The following CDK19 variants were observed in gnomAD, a reference collection of about 807,000 sequenced individuals.
CDK19 encodes the protein cyclin dependent kinase 19, also known as cyclin-dependent kinase 19.
Under a neutral mutation model 68.3 loss-of-function variants are expected in CDK19, and 20 were observed. The ratio of observed to expected loss-of-function variants is 0.29; its 90% CI spans 0.21 to 0.43. The LOEUF is 0.43. Among genes scored for constraint, CDK19 ranks in the 20% least tolerant of loss-of-function variants. The probability of loss-of-function intolerance (pLI) is 1.00; values close to 1 mark genes in which losing one functional copy is unlikely to be tolerated. For synonymous variants in CDK19, 221 were observed against 222.8 expected, an observed-to-expected ratio of 0.99 and a Z score of 0.07; for missense variants, 339 against 623.5, an observed-to-expected ratio of 0.54 and a Z score of 4.86.
At chr6:110,627,593 C>T (rs1779170912) in intron 6 of CDK19, among the ~76,000 whole-genome samples, 1 of 152,088 alleles carries the variant, frequency 6.6e-6, no homozygotes. Context: ...TCCCTGAAGC[C>T]TTGACCTCCT....
intron 2 of CDK19, among the ~76,000 whole-genome samples, chr6:110,684,333 AC>A (rs1562194690): frequency 6.6e-6 from 1 of 151,164 alleles, no homozygotes; most frequent in Non-Finnish European, 1.5e-5. Context: ...TTGCTATAAG[AC>A]CCTAGGCAGT....
chr6:110,759,428 A>ATACATATATATAT (rs1554219514), intron 1 of CDK19, among the ~76,000 whole-genome samples: 1 of 50,916 alleles, frequency 2.0e-5, no homozygotes. Context: ...AAAAAAAAAA[A>ATACATATATATAT]ATATATATAT....
chr6:110,749,192 A>G (rs550340969), intron 1 of CDK19, among the ~76,000 whole-genome samples: 4 of 152,250 alleles, frequency 2.6e-5, no homozygotes, highest in Non-Finnish European at 5.9e-5. Context: ...GATAAATGCT[A>G]TATAGAATTT....
At chr6:110,714,065 A>G (rs1775177180) in intron 2 of CDK19, among the ~76,000 whole-genome samples, 1 of 152,234 alleles carries the variant, frequency 6.6e-6, no homozygotes, top group Non-Finnish European at 1.5e-5. Flanking sequence ...AAAAAGAAAC[A>G]GCATATCCAT....
At chr6:110,692,172 T>C (rs548073532) in intron 2 of CDK19, among the ~76,000 whole-genome samples, 1 of 151,714 alleles carries the variant, frequency 6.6e-6, no homozygotes, top group African/African-American at 2.4e-5. Flanking sequence ...TGAGCGCCTG[T>C]AGTCCCAGGT....
chr6:110,629,959 A>G (rs186365972), intron 6 of CDK19, among the ~76,000 whole-genome samples: 1 of 152,340 alleles, frequency 6.6e-6, no homozygotes, highest in East Asian at 1.9e-4. Flanking sequence ...GGAAATAAGA[A>G]GTATAATTGG....
chr6:110,621,766 A>G lies in CDK19; in HGVS notation c.1110+322T>C, dbSNP rs577232712. Among the ~76,000 whole-genome samples, 1 of 152,336 alleles carries G rather than the reference A, an allele frequency of 6.6e-6. No individual in the cohort carries two copies. Among genetic ancestry groups the G allele is most frequent in the Non-Finnish European group, 1.5e-5 (1 of 68,028 alleles). On this transcript the variant is annotated intron_variant, in intron 11 of 12. Coordinates refer to ENST00000368911, the MANE Select transcript of CDK19 (RefSeq NM_015076.5). The surrounding 1 kb of genome is among the most constrained non-coding windows in gnomAD (Gnocchi z 5.4). Reference sequence around the variant, plus strand: ...AGCCAATATATCCAGTTAAGACGAAAGAACAGAGTGATGCTAGCAAAAGCC... The same window carrying G: ...AGCCAATATATCCAGTTAAGACGAAGGAACAGAGTGATGCTAGCAAAAGCC...
intron 1 of CDK19, among the ~76,000 whole-genome samples, chr6:110,786,480 G>A (rs1781230997): frequency 6.6e-6 from 1 of 152,114 alleles, no homozygotes; most frequent in African/African-American, 2.4e-5. Flanking sequence ...TTTTGAGCTT[G>A]ATGGCTTCTG....
chr6:110,718,209 A>C (rs1775552649), intron 2 of CDK19, among the ~76,000 whole-genome samples: 1 of 152,194 alleles, frequency 6.6e-6, no homozygotes, highest in South Asian at 2.1e-4. Context: ...ACCAGGAACA[A>C]ATGAAAGCCA....
At chr6:110,724,287 G>A (rs577326133) in intron 2 of CDK19, among the ~76,000 whole-genome samples, 1 of 152,204 alleles carries the variant, frequency 6.6e-6, no homozygotes, top group Admixed American at 6.5e-5. Flanking sequence ...CCCGGGAGGC[G>A]GAGGATGCAG....
intron 1 of CDK19, among the ~76,000 whole-genome samples, chr6:110,784,276 G>A (rs1273537008): frequency 6.8e-6 from 1 of 146,670 alleles, no homozygotes; most frequent in Non-Finnish European, 1.5e-5. Context: ...AATATAAAAA[G>A]AACTCTTACA....
At chr6:110,740,140 T>C (rs1056356834) in intron 2 of CDK19, among the ~76,000 whole-genome samples, 3 of 152,168 alleles carry the variant, frequency 2.0e-5, no homozygotes, top group Admixed American at 6.5e-5. Flanking sequence ...ATGATTACTT[T>C]TGAGTGTTGA....
chr6:110,815,340 C>G lies in CDK19; in HGVS notation c.-204G>C. On this transcript the variant is annotated 5_prime_UTR_variant, in exon 1 of 13. Coordinates refer to ENST00000368911, the MANE Select transcript of CDK19 (RefSeq NM_015076.5). ...CAGCAGCCACCTCCTCCACCTCTTC[C>G]TCCTCCTCCTCCGCGACGGCGGCGG... is the stretch of plus-strand genomic sequence containing the variant. 2.5e-6 allele frequency: 1 copy of G among 399,538 alleles called. No homozygotes were observed. The highest frequency in any genetic ancestry group is 4.3e-6 in the Non-Finnish European group (1 of 234,354). 24.7% of individuals were successfully genotyped at this position (399,538 alleles called of 1,614,324 possible).
chr6:110,635,149 G>C (rs1779680178), intron 5 of CDK19, among the ~76,000 whole-genome samples: 1 of 152,126 alleles, frequency 6.6e-6, no homozygotes, highest in Non-Finnish European at 1.5e-5. Context: ...ATGAAAAGCA[G>C]CAACAAACAA....
At chr6:110,757,039 C>T (rs779858365) in intron 1 of CDK19, among the ~76,000 whole-genome samples, 3 of 152,118 alleles carry the variant, frequency 2.0e-5, no homozygotes, top group Non-Finnish European at 4.4e-5. Context: ...GTGGTCAGTG[C>T]AACCAAACCT....
At chr6:110,752,640 T>C (rs1325064067) in intron 1 of CDK19, among the ~76,000 whole-genome samples, 1 of 152,252 alleles carries the variant, frequency 6.6e-6, no homozygotes, top group African/African-American at 2.4e-5. Flanking sequence ...TCTTCTTTAT[T>C]CAACTTAAGA....
At chr6:110,684,244 A>T (rs1442142189) in intron 2 of CDK19, among the ~76,000 whole-genome samples, 1 of 152,054 alleles carries the variant, frequency 6.6e-6, no homozygotes, top group African/African-American at 2.4e-5. Flanking sequence ...TCCTACCTTG[A>T]CAGTTAAACA....
At chr6:110,638,261 C>T (rs961550729) in intron 5 of CDK19, among the ~76,000 whole-genome samples, 9 of 152,092 alleles carry the variant, frequency 5.9e-5, no homozygotes, top group South Asian at 2.1e-4. Flanking sequence ...TAAATATATT[C>T]GCTCAGGGTG....
At chr6:110,801,655 G>T (rs938661850) in intron 1 of CDK19, among the ~76,000 whole-genome samples, 3 of 152,002 alleles carry the variant, frequency 2.0e-5, no homozygotes, top group African/African-American at 7.2e-5. Context: ...GGGACTACAG[G>T]TGCCCACCAC....
Sources: allele counts gnomAD v4.1 joint callset (sites outside exome capture counted in the v4.1 genomes callset), GRCh38; gene constraint gnomAD v4.1.1; non-coding constraint Gnocchi (gnomAD v3.1); transcripts MANE v1.5; gene names NCBI Gene and HGNC (gene_info 2026-07-23, HGNC 2026-07-21).